Variants in PHF23 observed in about 807,000 individuals in gnomAD.
PHF23 encodes the protein PDH-containing protein JUNE-1.
In PHF23, 3 loss-of-function variants were observed where a neutral mutation model predicts 36.0. The observed-to-expected ratio is 0.08, with a 90% confidence interval of 0.04 to 0.22. PHF23 has a LOEUF of 0.22. Among genes scored for constraint, PHF23 ranks in the 10% least tolerant of loss-of-function variants. The pLI, the probability that PHF23 is intolerant of heterozygous loss-of-function variation, is 1.00. For missense variants in PHF23, 475 were observed against 513.6 expected (o/e 0.92, Z 0.73); for synonymous variants, 242 against 192.5 (o/e 1.26, Z -2.13).
chr17:7,238,810 T>C, intron 1 of PHF23: 1 of 1,533,122 alleles, frequency 6.5e-7, no homozygotes, highest in Non-Finnish European at 8.7e-7. Flanking sequence ...CCGGGCATTC[T>C]CCGGCGGCAA....
Position 7,235,790 on chromosome 17 carries a change from C to G in PHF23, c.1048G>C (p.Gly350Arg). Residue 350 changes from glycine to arginine, a missense_variant, in exon 5 of 5, where the codon GGG becomes CGG. Transcript: ENST00000320316. ...AGGCTGCACTCAATCATGGGCCGCCCTGCAAAGGGCTTTCGACAGTAACAT... is the reference window on the plus strand; with the variant it reads ...AGGCTGCACTCAATCATGGGCCGCCGTGCAAAGGGCTTTCGACAGTAACAT... ...ITCYCRKPFA[G>R]RPMIECSLCG... 1 of 1,614,162 alleles carries G rather than the reference C, an allele frequency of 6.2e-7. No homozygotes were observed. The highest frequency in any genetic ancestry group is 8.5e-7 in the Non-Finnish European group (1 of 1,180,032).
Position 7,235,272 on chromosome 17 carries a change from A to T in PHF23, c.*354T>A. 3.5e-6 allele frequency: 1 copy of T among 287,672 alleles called. No homozygotes were observed. Among genetic ancestry groups the T allele is most frequent in the Non-Finnish European group, 6.7e-6 (1 of 148,216 alleles). 17.8% of individuals were successfully genotyped at this position (287,672 alleles called of 1,614,324 possible). On this transcript the variant is annotated 3_prime_UTR_variant, in exon 5 of 5. Coordinates refer to ENST00000320316, the MANE Select transcript of PHF23 (RefSeq NM_024297.3). Reference sequence around the variant, plus strand: ...GGGGAGTGAAATAGAAGAAAAGATGAGGGAGGGGAGTGCTAATATTTACAC... The same window carrying T: ...GGGGAGTGAAATAGAAGAAAAGATGTGGGAGGGGAGTGCTAATATTTACAC...
In PHF23 at chr17:7,235,654, C is replaced by G. The variant is rs926550737; in HGVS notation, c.1184G>C (p.Gly395Ala). The G allele has an allele frequency of 6.2e-7, 1 of 1,613,872 alleles. No individual in the cohort carries two copies. Among genetic ancestry groups the G allele is most frequent in the Non-Finnish European group, 8.5e-7 (1 of 1,180,038 alleles). ...GGGCTCTCCAGATTTGGGAGGCCCC[C>G]CTAACCGCCGGGCCTCTGGCCTCAG... ...KELRPEARRL[G>A]GPPKSGEP The change falls in exon 5 of 5, where the codon GGG (glycine) becomes GCG (alanine). Residue 395 changes from glycine to alanine, a missense_variant. By Grantham distance (60) the Gly-to-Ala change is moderately conservative. Transcript: ENST00000320316.
intron 1 of PHF23, chr17:7,238,121 G>A (rs1323624391): frequency 1.1e-5 from 2 of 178,894 alleles, no homozygotes; most frequent in South Asian, 2.2e-4. Flanking sequence ...CAGGGTCCAG[G>A]ATGACCACGC....
intron 1 of PHF23, chr17:7,238,429 G>GCCCCCCCCCCCCCCCCC: frequency 2.6e-5 from 1 of 37,742 alleles, no homozygotes; most frequent in Non-Finnish European, 4.9e-5. Flanking sequence ...TCCGGCCGCC[G>GCCCCCCCCCCCCCCCCC]CCCCCCCCTC....
chr17:7,239,211 G>A (rs773453441), intron 1 of PHF23, 35 bp downstream of exon 1: 6 of 1,438,702 alleles, frequency 4.2e-6, no homozygotes, highest in Admixed American at 3.9e-5. Flanking sequence ...CCCGCCCCCC[G>A]CCGGCTCAGC....
intron 1 of PHF23, chr17:7,238,638 A>ACCCCCCCCCCCCCC: frequency 2.9e-6 from 1 of 339,124 alleles, no homozygotes; most frequent in Non-Finnish European, 3.3e-6. Context: ...GCCGGTCTTA[A>ACCCCCCCCCCCCCC]CCCCCCCCAC....
In PHF23 at chr17:7,236,204, G is replaced by C; in HGVS notation, c.723C>G (p.Pro241=). The part of the protein sequence containing the change: ...RLPPPGPPQA[P]PSDTDSEEEE... ...CCTCTTCAGAGTCTGTATCACTGGGGGGTGCCTGGGGAGGCCCAGGAGGTG... is the reference window on the plus strand; with the variant it reads ...CCTCTTCAGAGTCTGTATCACTGGGCGGTGCCTGGGGAGGCCCAGGAGGTG... Residue 241 remains proline, a synonymous_variant, in exon 4 of 5, where the codon CCC becomes CCG. Transcript: ENST00000320316. This position sits in a 1 kb window ranked among gnomAD's most constrained non-coding sequence, Gnocchi z 5.1. 1 of 1,612,742 alleles carries C rather than the reference G, an allele frequency of 6.2e-7. No individual in the cohort carries two copies. Among genetic ancestry groups the C allele is most frequent in the Non-Finnish European group, 8.5e-7 (1 of 1,179,368 alleles).
In PHF23 at chr17:7,238,875, G is replaced by A. The variant is rs545380503; in HGVS notation, c.34+371C>T. On this transcript the variant is annotated intron_variant, in intron 1 of 4. Transcript: ENST00000320316. ...AACTACCCCACCTCGGCGAACTACC[G>A]GGCCCCTCACTCAGCCTCTTCTACG... 4.3e-4 allele frequency: 654 copies of A among 1,532,764 alleles called. 1 individual carries two copies. The African/African-American group carries it at 6.8e-3, about 16-fold the overall frequency. The allele number at this position is 1,532,764 out of a possible 1,614,324, so 94.9% of individuals were successfully genotyped here. A position where few individuals can be genotyped will look rare whatever the true frequency, so the allele number is the denominator to read the frequency against.
intron 1 of PHF23, chr17:7,238,874 C>A: frequency 2.6e-6 from 4 of 1,534,106 alleles, no homozygotes; most frequent in Admixed American, 3.9e-5. Flanking sequence ...GGCGAACTAC[C>A]GGGCCCCTCA....
Position 7,237,416 on chromosome 17 carries a change from G to A in PHF23, c.128C>T (p.Ala43Val), listed in dbSNP as rs372249332. The A allele has an allele frequency of 6.2e-7, 1 of 1,614,054 alleles. No homozygotes were observed. The highest frequency in any genetic ancestry group is 8.5e-7 in the Non-Finnish European group (1 of 1,179,960). ...GCTAGGGGGAATGTAACCAGCATAT[G>A]CCAAAACAAAACTGCAGAATTTGTT... ...DFNKFCSFVL[A>V]YAGYIPPSKE... The change falls in exon 3 of 5, where the codon GCA becomes GTA. Residue 43 changes from alanine to valine, a missense_variant. Coordinates refer to ENST00000320316, the MANE Select transcript of PHF23 (RefSeq NM_024297.3).
At chr17:7,239,040 G>A in intron 1 of PHF23, 1 of 1,354,460 alleles carries the variant, frequency 7.4e-7, no homozygotes, top group South Asian at 1.5e-5. Flanking sequence ...CCCCCACACC[G>A]TCTGATCTCC....
Position 7,237,493 on chromosome 17 carries a change from T to A in PHF23, c.67-16A>T. On this transcript the variant is annotated splice_polypyrimidine_tract_variant and intron_variant, in intron 2 of 4. Transcript: ENST00000320316. ...TCTCTGGTGGCTGAAAGGAAGGAGA[T>A]ATGGATCACATGCAAAGCCACACAG... 1 of 1,611,932 alleles carries A rather than the reference T, an allele frequency of 6.2e-7. No homozygotes were observed. Among genetic ancestry groups the A allele is most frequent in the Non-Finnish European group, 8.5e-7 (1 of 1,178,198 alleles).
rs2071745660 is a variant in PHF23, at chr17:7,239,296, C to G, written c.-17G>C. 1 of 1,360,458 alleles carries G rather than the reference C, an allele frequency of 7.4e-7. No homozygotes were observed. The highest frequency in any genetic ancestry group is 1.0e-6 in the Non-Finnish European group (1 of 966,308). 84.3% of individuals were successfully genotyped at this position (1,360,458 alleles called of 1,614,324 possible). On this transcript the variant is annotated 5_prime_UTR_variant, in exon 1 of 5. Coordinates refer to ENST00000320316, the MANE Select transcript of PHF23 (RefSeq NM_024297.3). ...TTCCAGCATCGCCCCCTCCCCTCCT[C>G]CCGGTCCGGCGCCCCCCTCCCCGGA...
Position 7,239,233 on chromosome 17 carries a change from G to A in PHF23, c.34+13C>T, listed in dbSNP as rs1034709566. 3.3e-6 allele frequency: 5 copies of A among 1,527,134 alleles called. No homozygotes were observed. Among genetic ancestry groups the A allele is most frequent in the Non-Finnish European group, 4.5e-6 (5 of 1,116,984 alleles). 94.6% of individuals were successfully genotyped at this position (1,527,134 alleles called of 1,614,324 possible). On this transcript the variant is annotated intron_variant, in intron 1 of 4. Transcript: ENST00000320316. The stretch of plus-strand genomic sequence containing the variant: ...CCCGCCGGCTCAGCGCTCTGCACCG[G>A]TCGAGAGCTCACCTTCGGGACTGGG...
intron 1 of PHF23, 113 bp downstream of exon 1, chr17:7,239,133 G>A: frequency 9.8e-7 from 1 of 1,019,354 alleles, no homozygotes; most frequent in East Asian, 2.7e-5. Flanking sequence ...CCAGCCTCCC[G>A]ACCCCCTCCC....
intron 1 of PHF23, chr17:7,238,479 C>T (rs1306305289): frequency 1.3e-5 from 9 of 707,860 alleles, no homozygotes; most frequent in Non-Finnish European, 1.5e-5. Context: ...GCTATGGACC[C>T]CTCAACTCTG....
At chr17:7,238,294 C>G (rs1306369863) in intron 1 of PHF23, 2 of 108,162 alleles carry the variant, frequency 1.8e-5, no homozygotes, top group East Asian at 3.5e-4. Context: ...TGCCCCCCCC[C>G]CCCCGCCCAT....
upstream of PHF23, chr17:7,240,648 G>T: frequency 3.6e-6 from 2 of 547,976 alleles, no homozygotes; most frequent in Non-Finnish European, 3.3e-6. Flanking sequence ...AGAGAAAGGG[G>T]AAGAAAGGAG....
Sources: allele counts gnomAD v4.1 joint callset, GRCh38; gene constraint gnomAD v4.1.1; non-coding constraint Gnocchi (gnomAD v3.1); transcripts MANE v1.5; gene names NCBI Gene and HGNC (gene_info 2026-07-23, HGNC 2026-07-21).